Variants in FBXW7 observed in about 807,000 individuals in gnomAD.
The protein encoded by FBXW7 is F-box/WD repeat-containing protein 7.
FBXW7 carries 11 observed loss-of-function variants against 86.3 expected under a neutral mutation model. That is an observed-to-expected ratio of 0.13 (90% CI 0.08 to 0.21). The LOEUF is 0.21. Ranked by LOEUF, FBXW7 falls within the 10% of genes least tolerant of loss-of-function variation. The pLI is 1.00. For missense variants in FBXW7, 488 were observed against 847.4 expected (o/e 0.58, Z 5.27); for synonymous variants, 313 against 297.9 (o/e 1.05, Z -0.52).
intron 2 of FBXW7, among the ~76,000 whole-genome samples, chr4:152,509,862 T>C (rs1235670070): frequency 6.6e-6 from 1 of 152,192 alleles, no homozygotes; most frequent in African/African-American, 2.4e-5. Flanking sequence ...AGGTAGTCCA[T>C]TTATTACTGC....
At chr4:152,342,757 A>T (rs1049128766) in intron 6 of FBXW7, among the ~76,000 whole-genome samples, 2 of 152,220 alleles carry the variant, frequency 1.3e-5, no homozygotes, top group Non-Finnish European at 2.9e-5. Context: ...CCAAAATCTG[A>T]CTCAAAGAAC....
intron 2 of FBXW7, among the ~76,000 whole-genome samples, chr4:152,517,070 G>A (rs530239789): frequency 2.0e-4 from 31 of 152,276 alleles, no homozygotes; most frequent in Non-Finnish European, 3.1e-4. Flanking sequence ...CGATCCACTC[G>A]CCTCAGCCTC....
At chr4:152,525,181 T>C (rs1749397167) in intron 2 of FBXW7, among the ~76,000 whole-genome samples, 1 of 152,328 alleles carries the variant, frequency 6.6e-6, no homozygotes, top group Admixed American at 6.5e-5. Flanking sequence ...AGAATATTCA[T>C]TAATCATCTA....
intron 2 of FBXW7, among the ~76,000 whole-genome samples, chr4:152,429,275 T>C (rs1054857168): frequency 2.7e-5 from 4 of 149,870 alleles, no homozygotes; most frequent in African/African-American, 9.8e-5. Flanking sequence ...GAGGTGCTGG[T>C]ACAAATTACC....
chr4:152,385,920 C>A (rs1173304935), intron 4 of FBXW7, among the ~76,000 whole-genome samples: 1 of 151,904 alleles, frequency 6.6e-6, no homozygotes, highest in African/African-American at 2.4e-5. Context: ...ATATATACTA[C>A]AAGTTTCATT....
At chr4:152,342,394 C>T (rs1273235829) in intron 6 of FBXW7, among the ~76,000 whole-genome samples, 2 of 152,154 alleles carry the variant, frequency 1.3e-5, no homozygotes, top group South Asian at 2.1e-4. Context: ...TCCCAAATGC[C>T]GATCAAGGAC....
chr4:152,490,880 A>AAAAATAAC, intron 2 of FBXW7, among the ~76,000 whole-genome samples: 1 of 152,294 alleles, frequency 6.6e-6, no homozygotes, highest in East Asian at 1.9e-4. Flanking sequence ...AAGCAGTACA[A>AAAAATAAC]AAAATAACAA....
chr4:152,349,928 T>TA, intron 5 of FBXW7, 114 bp downstream of exon 5: 1 of 477,208 alleles, frequency 2.1e-6, no homozygotes, highest in East Asian at 3.5e-5. Context: ...CAAAATGTGT[T>TA]AAACAGTCAA....
chr4:152,362,887 T>C (rs186635593), intron 4 of FBXW7, among the ~76,000 whole-genome samples: 2 of 142,312 alleles, frequency 1.4e-5, no homozygotes, highest in Admixed American at 1.4e-4. Flanking sequence ...AGAAGATAAA[T>C]GAAGATATGT....
chr4:152,506,752 C>T (rs535336741), intron 2 of FBXW7, among the ~76,000 whole-genome samples: 2 of 152,260 alleles, frequency 1.3e-5, no homozygotes, highest in East Asian at 3.9e-4. Context: ...TCAGGATCAC[C>T]GAAGGGCTTG....
intron 2 of FBXW7, among the ~76,000 whole-genome samples, chr4:152,417,924 G>A (rs1308285199): frequency 6.6e-6 from 1 of 152,102 alleles, no homozygotes; most frequent in African/African-American, 2.4e-5. Context: ...GGGTAGTAGG[G>A]TGGGGTGGGA....
chr4:152,396,999 T>C (rs1736475892), intron 4 of FBXW7, among the ~76,000 whole-genome samples: 1 of 152,036 alleles, frequency 6.6e-6, no homozygotes, highest in Admixed American at 6.6e-5. Context: ...TTTAAGGTAT[T>C]AAAATTGGCA....
chr4:152,486,328 A>G (rs1000757798), intron 2 of FBXW7, among the ~76,000 whole-genome samples: 3 of 152,166 alleles, frequency 2.0e-5, no homozygotes, highest in Non-Finnish European at 4.4e-5. Flanking sequence ...AATAAACCTT[A>G]GCTCATATAA....
intron 2 of FBXW7, among the ~76,000 whole-genome samples, chr4:152,501,400 C>T (rs1397347031): frequency 6.6e-6 from 1 of 152,096 alleles, no homozygotes; most frequent in Non-Finnish European, 1.5e-5. Flanking sequence ...AAATAAACAT[C>T]AGCAATAACA....
chr4:152,437,619 T>C (rs763240964), intron 2 of FBXW7, among the ~76,000 whole-genome samples: 15 of 152,302 alleles, frequency 9.8e-5, no homozygotes, highest in South Asian at 4.1e-4. Context: ...TTTGAAAGGA[T>C]TGCCTCCAGT....
Position 152,535,161 on chromosome 4 carries a change from GC to G in FBXW7, c.-248del, listed in dbSNP as rs1460462530. 2 of 156,406 alleles carry G rather than the reference GC, an allele frequency of 1.3e-5. No homozygotes were observed. Among genetic ancestry groups the G allele is most frequent in the African/African-American group, 4.8e-5 (2 of 41,650 alleles). 9.7% of individuals were successfully genotyped at this position (156,406 alleles called of 1,614,324 possible). A position where few individuals can be genotyped will look rare whatever the true frequency, so the allele number is the denominator to read the frequency against. ...TCCTCTTCCTGGGTCTTTTCAGGCT[GC>G]GGCTTCTGCCCGTCCAGGGCCACTT... On this transcript the variant is annotated 5_prime_UTR_variant, in exon 1 of 14. Coordinates refer to ENST00000281708, the MANE Select transcript of FBXW7 (RefSeq NM_001349798.2).
chr4:152,495,857 G>A (rs574671930), intron 2 of FBXW7, among the ~76,000 whole-genome samples: 5 of 152,278 alleles, frequency 3.3e-5, no homozygotes, highest in South Asian at 4.1e-4. Flanking sequence ...ATCTGCATGA[G>A]GTATCCAAGA....
rs558862779 is a variant in FBXW7, at chr4:152,402,541, C to A, written c.501+8762G>T. On this transcript the variant is annotated intron_variant, in intron 4 of 13. Coordinates refer to ENST00000281708, the MANE Select transcript of FBXW7 (RefSeq NM_001349798.2). ...AATATTGTTTAACTGAATTTCCAAA[C>A]GTTAACAAAAGTACAACCGGGACCC... Among the ~76,000 whole-genome samples, 22 of 152,300 alleles carry A rather than the reference C, an allele frequency of 1.4e-4. No homozygotes were observed. In the South Asian group the frequency reaches 4.6e-3, roughly 32 times the overall value.
chr4:152,424,516 G>A (rs1739209311), intron 2 of FBXW7, among the ~76,000 whole-genome samples: 1 of 151,984 alleles, frequency 6.6e-6, no homozygotes, highest in Admixed American at 6.6e-5. Flanking sequence ...CATATTCTTA[G>A]ATCTTTTCAT....
Sources: gnomAD v4.1 joint callset for allele counts (sites outside exome capture counted in the v4.1 genomes callset) on GRCh38, gnomAD v4.1.1 for gene constraint, MANE v1.5 for transcripts, NCBI Gene and HGNC (gene_info 2026-07-23, HGNC 2026-07-21) for gene names.